The following MCTP1 variants were observed in gnomAD, a reference collection of about 807,000 sequenced individuals.
MCTP1 encodes the protein multiple C2 and transmembrane domain containing 1, also known as multiple C2 and transmembrane domain-containing protein 1.
MCTP1 carries 69 observed loss-of-function variants against 120.6 expected under a neutral mutation model. That is an observed-to-expected ratio of 0.57 (90% confidence interval 0.47 to 0.70). MCTP1 has a LOEUF of 0.70. Among genes scored for constraint, MCTP1 ranks in the 30% least tolerant of loss-of-function variants. The pLI is 0.00. For missense variants in MCTP1, 1,203 were observed against 1,248.8 expected (o/e 0.96, Z 0.55); for synonymous variants, 529 against 493.1 (o/e 1.07, Z -0.96).
At chr5:95,107,730 G>A (rs897268862) in intron 1 of MCTP1, among the ~76,000 whole-genome samples, 3 of 152,110 alleles carry the variant, frequency 2.0e-5, no homozygotes, top group African/African-American at 7.2e-5. Context: ...TCCAAGTATT[G>A]GCCATTCATA....
At chr5:95,012,175 ATAT>A (rs1184263393) in intron 2 of MCTP1, among the ~76,000 whole-genome samples, 1 of 152,138 alleles carries the variant, frequency 6.6e-6, no homozygotes, top group Non-Finnish European at 1.5e-5. Context: ...ATCTGTATAT[ATAT>A]TAATAAAAAT....
chr5:94,839,137 C>T (rs1350564765), intron 17 of MCTP1, among the ~76,000 whole-genome samples: 1 of 152,172 alleles, frequency 6.6e-6, no homozygotes, highest in Non-Finnish European at 1.5e-5. Flanking sequence ...AAATACTCCC[C>T]TCAGATACCA....
chr5:95,062,626 T>A (rs12521630), intron 1 of MCTP1, among the ~76,000 whole-genome samples: 10,033 of 152,162 alleles, frequency 0.066, 699 homozygotes, highest in East Asian at 0.34. Flanking sequence ...TCCCCACATA[T>A]CCTTCTGGTA....
intron 13 of MCTP1, 77 bp downstream of exon 13, chr5:94,873,062 A>T: frequency 1.2e-6 from 1 of 857,580 alleles, no homozygotes; most frequent in South Asian, 1.4e-5. Flanking sequence ...AAACACACAC[A>T]TTTTTTTTAA....
At chr5:94,745,881 A>C (rs962740163) in intron 19 of MCTP1, among the ~76,000 whole-genome samples, 1 of 152,176 alleles carries the variant, frequency 6.6e-6, no homozygotes, top group Non-Finnish European at 1.5e-5. Context: ...CAAAGTGATC[A>C]TTTGGGCCCT....
intron 1 of MCTP1, among the ~76,000 whole-genome samples, chr5:95,282,507 A>G (rs905046578): frequency 2.6e-5 from 4 of 152,208 alleles, no homozygotes; most frequent in African/African-American, 4.8e-5. Flanking sequence ...TTTAATATAT[A>G]GTATTCATCT....
chr5:95,183,864 A>T (rs567642283), intron 1 of MCTP1, among the ~76,000 whole-genome samples: 4 of 152,234 alleles, frequency 2.6e-5, no homozygotes, highest in Non-Finnish European at 5.9e-5. Context: ...GAAACTTGCT[A>T]CAGTGTTCTT....
At chr5:95,203,935 T>C (rs1751344284) in intron 1 of MCTP1, among the ~76,000 whole-genome samples, 1 of 152,212 alleles carries the variant, frequency 6.6e-6, no homozygotes, top group Admixed American at 6.5e-5. Context: ...GAAACATTTT[T>C]ATTAGATTTT....
chr5:95,042,101 C>T (rs4988879), intron 1 of MCTP1, among the ~76,000 whole-genome samples: 37,748 of 152,022 alleles, frequency 0.25, 5,116 homozygotes, highest in East Asian at 0.42. Flanking sequence ...GCTGCTTTTG[C>T]TGGTTCAGTG....
intron 2 of MCTP1, among the ~76,000 whole-genome samples, chr5:94,968,909 T>C (rs1826171330): frequency 6.6e-6 from 1 of 152,242 alleles, no homozygotes; most frequent in Admixed American, 6.5e-5. Context: ...ATCTAGAAAG[T>C]ATTCGCCCTA....
At chr5:94,889,450 C>A (rs1010303693) in intron 11 of MCTP1, among the ~76,000 whole-genome samples, 1 of 151,788 alleles carries the variant, frequency 6.6e-6, no homozygotes, top group African/African-American at 2.4e-5. Flanking sequence ...ATTAGCCAGG[C>A]GTGGTGGCGG....
intron 19 of MCTP1, among the ~76,000 whole-genome samples, chr5:94,734,757 A>C (rs551320664): frequency 4.5e-4 from 69 of 152,262 alleles, no homozygotes; most frequent in Non-Finnish European, 3.5e-4. Flanking sequence ...CATCATGCCT[A>C]GTCTCTTTCT....
intron 12 of MCTP1, among the ~76,000 whole-genome samples, chr5:94,885,817 G>A (rs918466438): frequency 2.6e-5 from 4 of 152,160 alleles, no homozygotes; most frequent in East Asian, 1.9e-4. Flanking sequence ...TTTCCCTTAC[G>A]AAGAATTTAG....
At position 94,926,782 on chromosome 5, in the gene MCTP1, A is replaced by T. The variant is rs193101636; in HGVS notation, c.1213-2761T>A. On this transcript the variant is annotated intron_variant, in intron 6 of 22. Coordinates refer to ENST00000515393, the MANE Select transcript of MCTP1 (RefSeq NM_024717.7). Reference sequence around the variant, plus strand: ...CAGTTATATTAGGTCTCCCCTTTTAATCGGTCCAGGAAGAATCCTAAGAAA... The same window carrying T: ...CAGTTATATTAGGTCTCCCCTTTTATTCGGTCCAGGAAGAATCCTAAGAAA... 2.0e-4 allele frequency among the ~76,000 whole-genome samples: 30 copies of T among 152,292 alleles called. 1 individual carries two copies. The highest frequency in any genetic ancestry group is 7.2e-4 in the African/African-American group (30 of 41,564).
At chr5:95,197,154 C>A (rs1582500420) in intron 1 of MCTP1, among the ~76,000 whole-genome samples, 1 of 152,158 alleles carries the variant, frequency 6.6e-6, no homozygotes, top group African/African-American at 2.4e-5. Context: ...GCCCTTCTTT[C>A]TTCTTCCTTA....
intron 2 of MCTP1, among the ~76,000 whole-genome samples, chr5:95,008,670 T>G (rs747738429): frequency 6.6e-6 from 1 of 152,104 alleles, no homozygotes. Flanking sequence ...AAGATGTAAT[T>G]AAGTTAAAGA....
At chr5:95,229,638 G>T (rs1383375433) in intron 1 of MCTP1, among the ~76,000 whole-genome samples, 1 of 152,004 alleles carries the variant, frequency 6.6e-6, no homozygotes, top group Non-Finnish European at 1.5e-5. Flanking sequence ...CTACTCAAGA[G>T]GCTGAGGCAG....
chr5:95,202,974 C>G (rs1751239437), intron 1 of MCTP1, among the ~76,000 whole-genome samples: 1 of 152,166 alleles, frequency 6.6e-6, no homozygotes, highest in Non-Finnish European at 1.5e-5. Flanking sequence ...GGTGATCCAC[C>G]CACCTCAGGC....
intron 1 of MCTP1, among the ~76,000 whole-genome samples, chr5:95,217,421 T>C (rs978836461): frequency 1.3e-5 from 2 of 152,160 alleles, no homozygotes; most frequent in African/African-American, 4.8e-5. Context: ...CAAATACAAT[T>C]TGGAAGTTCC....
Sources: gnomAD v4.1 joint callset for allele counts (sites outside exome capture counted in the v4.1 genomes callset) on GRCh38, gnomAD v4.1.1 for gene constraint, MANE v1.5 for transcripts, NCBI Gene and HGNC (gene_info 2026-07-23, HGNC 2026-07-21) for gene names.